TRABD2A: variants seen among roughly 807,000 people sequenced by gnomAD.
TRABD2A encodes TraB domain containing 2A.
TRABD2A carries 43 observed loss-of-function variants against 45.6 expected under a neutral mutation model. That is an observed-to-expected ratio of 0.94 (90% CI 0.74 to 1.22). TRABD2A has a LOEUF of 1.22. Among genes scored for constraint, TRABD2A ranks in the 50% most tolerant of loss-of-function variants. The pLI is 0.00. For missense variants in TRABD2A, 642 were observed against 652.4 expected (o/e 0.98, Z 0.17); for synonymous variants, 269 against 265.0 (o/e 1.02, Z -0.15).
chr2:84,879,071 A>G (rs1223262058), intron 1 of TRABD2A, among the ~76,000 whole-genome samples: 2 of 122,842 alleles, frequency 1.6e-5, no homozygotes, highest in Non-Finnish European at 3.9e-5. Flanking sequence ...TGGAGGCTAC[A>G]TGTGTGTGAT....
chr2:84,879,925 G>T (rs934127263), intron 1 of TRABD2A, among the ~76,000 whole-genome samples: 6 of 152,174 alleles, frequency 3.9e-5, no homozygotes, highest in African/African-American at 1.4e-4. Context: ...GAGGCAGACC[G>T]GGGAGCTGCG....
chr2:84,859,755 G>A (rs985538226), intron 2 of TRABD2A, among the ~76,000 whole-genome samples: 1 of 152,180 alleles, frequency 6.6e-6, no homozygotes, highest in Admixed American at 6.5e-5. Context: ...AGAGTTTCCA[G>A]TTCAGGAGGT....
chr2:84,878,195 T>G (rs1006288777), intron 1 of TRABD2A, among the ~76,000 whole-genome samples: 10 of 151,804 alleles, frequency 6.6e-5, no homozygotes, highest in African/African-American at 2.4e-4. Context: ...TGTGGATAAA[T>G]GAGGGGAGAA....
At chr2:84,862,722 C>T (rs1225665866) in intron 2 of TRABD2A, among the ~76,000 whole-genome samples, 2 of 152,104 alleles carry the variant, frequency 1.3e-5, no homozygotes, top group East Asian at 3.8e-4. Context: ...AAACAGAGTG[C>T]ATCACCTATG....
At chr2:84,866,596 A>T (rs1324547664) in intron 2 of TRABD2A, among the ~76,000 whole-genome samples, 1 of 152,130 alleles carries the variant, frequency 6.6e-6, no homozygotes, top group African/African-American at 2.4e-5. Flanking sequence ...ATATAAAATT[A>T]TCAGTGAGGA....
Position 84,830,981 on chromosome 2 carries a change from G to A in TRABD2A, c.1082+1074C>T, listed in dbSNP as rs1271408755. On this transcript the variant is annotated intron_variant, in intron 5 of 6. Transcript: ENST00000409520. This position sits in a 1 kb window ranked among gnomAD's most constrained non-coding sequence, Gnocchi z 4.9. Reference sequence around the variant, plus strand: ...CCAGGAGAGGGGGCTGCTGACCACAGATCGGGAGGCAGTGGGGGCCAGAGG... The same window carrying A: ...CCAGGAGAGGGGGCTGCTGACCACAAATCGGGAGGCAGTGGGGGCCAGAGG... 1.3e-5 allele frequency among the ~76,000 whole-genome samples: 2 copies of A among 152,170 alleles called. No individual in the cohort carries two copies. The highest frequency in any genetic ancestry group is 2.4e-5 in the African/African-American group (1 of 41,430).
At chr2:84,863,020 G>A (rs1208830108) in intron 2 of TRABD2A, among the ~76,000 whole-genome samples, 1 of 152,110 alleles carries the variant, frequency 6.6e-6, no homozygotes, top group Non-Finnish European at 1.5e-5. Flanking sequence ...CACGGTCCAC[G>A]TACAACATCT....
At chr2:84,850,403 G>A (rs886111036) in intron 2 of TRABD2A, among the ~76,000 whole-genome samples, 5 of 152,052 alleles carry the variant, frequency 3.3e-5, no homozygotes, top group Admixed American at 3.3e-4. Flanking sequence ...AGGTTGAACT[G>A]CACTTGGGGA....
intron 5 of TRABD2A, among the ~76,000 whole-genome samples, chr2:84,831,064 A>C (rs909087215): frequency 1.3e-5 from 2 of 152,156 alleles, no homozygotes; most frequent in African/African-American, 4.8e-5. Context: ...TTGAAGCCCC[A>C]TCCCCAGTAC....
rs1044911897 is a variant in TRABD2A, at chr2:84,821,927, G to GGT, written c.1506_1507dup (p.Pro503HisfsTer19). 1.2e-6 allele frequency: 2 copies of GGT among 1,600,514 alleles called. No homozygotes were observed. Among genetic ancestry groups the GGT allele is most frequent in the Non-Finnish European group, 1.7e-6 (2 of 1,173,254 alleles). On this transcript the variant is annotated frameshift_variant, in exon 7 of 7. Coordinates refer to ENST00000409520, the MANE Select transcript of TRABD2A (RefSeq NM_001277053.2). LOFTEE classifies it high-confidence loss of function. ...TGGTGCTTCCAGTCGTTACAGGAGG[G>GGT]GTGTCTCTGTTTGGAAAGCCAGCAC... is the stretch of plus-strand genomic sequence containing the variant.
intron 1 of TRABD2A, among the ~76,000 whole-genome samples, chr2:84,877,693 A>C (rs761008028): frequency 1.3e-5 from 2 of 152,246 alleles, no homozygotes; most frequent in Non-Finnish European, 2.9e-5. Flanking sequence ...AGATTTTAAC[A>C]GACACCTGTG....
chr2:84,827,602 C>A (rs1681188206), intron 5 of TRABD2A, among the ~76,000 whole-genome samples: 1 of 152,180 alleles, frequency 6.6e-6, no homozygotes, highest in African/African-American at 2.4e-5. Context: ...CCAAAGATGT[C>A]CATGACCTAG....
At chr2:84,879,939 G>A (rs922800747) in intron 1 of TRABD2A, among the ~76,000 whole-genome samples, 4 of 152,172 alleles carry the variant, frequency 2.6e-5, no homozygotes, top group Admixed American at 2.0e-4. Flanking sequence ...AGCTGCGCAG[G>A]TGTCATCAAA....
intron 2 of TRABD2A, among the ~76,000 whole-genome samples, chr2:84,864,626 T>A (rs1009753404): frequency 6.6e-6 from 1 of 152,108 alleles, no homozygotes; most frequent in Non-Finnish European, 1.5e-5. Flanking sequence ...CTCTCTCGGG[T>A]TAGTCCAGCA....
intron 4 of TRABD2A, chr2:84,833,121 A>G (rs1347286061): frequency 1.3e-5 from 2 of 152,114 alleles, no homozygotes; most frequent in East Asian, 3.9e-4. Flanking sequence ...GGGGGTGTTC[A>G]TGGGTCAGCA....
At chr2:84,866,646 TTA>T (rs1042185536) in intron 2 of TRABD2A, among the ~76,000 whole-genome samples, 13 of 152,110 alleles carry the variant, frequency 8.5e-5, no homozygotes, top group African/African-American at 3.1e-4. Flanking sequence ...TCCCTTCTGC[TTA>T]TATCTTATTT....
intron 5 of TRABD2A, among the ~76,000 whole-genome samples, chr2:84,825,588 T>G (rs1007755800): frequency 6.6e-6 from 1 of 152,182 alleles, no homozygotes; most frequent in Non-Finnish European, 1.5e-5. Context: ...GCCACTTAAA[T>G]GAACCCTTTC....
intron 2 of TRABD2A, among the ~76,000 whole-genome samples, chr2:84,861,872 T>C (rs934385859): frequency 2.6e-5 from 4 of 152,350 alleles, no homozygotes; most frequent in African/African-American, 9.6e-5. Context: ...GTCTCTCCTG[T>C]TAGGATTCCT....
At chr2:84,825,648 A>G (rs1573914439) in intron 5 of TRABD2A, among the ~76,000 whole-genome samples, 1 of 152,114 alleles carries the variant, frequency 6.6e-6, no homozygotes, top group Non-Finnish European at 1.5e-5. Flanking sequence ...TGCCCCCATC[A>G]TGGCTCTCTA....
Sources: gnomAD v4.1 joint callset for allele counts (sites outside exome capture counted in the v4.1 genomes callset) on GRCh38, gnomAD v4.1.1 for gene constraint, Gnocchi (gnomAD v3.1) non-coding constraint, MANE v1.5 for transcripts, NCBI Gene and HGNC (gene_info 2026-07-23, HGNC 2026-07-21) for gene names.